Variants in ANKRD28 observed in about 807,000 individuals in gnomAD.
ANKRD28 encodes ankyrin repeat domain 28.
In ANKRD28, 44 loss-of-function variants were observed where a neutral mutation model predicts 126.5. The observed-to-expected ratio is 0.35, with a 90% confidence interval of 0.27 to 0.45. ANKRD28 has a LOEUF of 0.45. Among genes scored for constraint, ANKRD28 ranks in the 20% least tolerant of loss-of-function variants. The pLI is 1.00. For missense variants in ANKRD28, 1,110 were observed against 1,316.6 expected (o/e 0.84, Z 2.43); for synonymous variants, 442 against 468.5 (o/e 0.94, Z 0.73).
rs184737182 is a variant in ANKRD28, at chr3:15,722,654, C to T, written c.784-1527G>A. On this transcript the variant is annotated intron_variant, in intron 7 of 27. Transcript: ENST00000683139. ...CTCTGGACCCTAATCTTGTAGTTGGCCCCAACATAATGCAGCTTTAATTAA... is the reference window on the plus strand; with the variant it reads ...CTCTGGACCCTAATCTTGTAGTTGGTCCCAACATAATGCAGCTTTAATTAA... Among the ~76,000 whole-genome samples the T allele has an allele frequency of 2.0e-5, 3 of 152,210 alleles. No individual in the cohort carries two copies. The East Asian group carries it at 5.8e-4, about 29-fold the overall frequency.
At chr3:15,840,793 G>C (rs150559799) in intron 1 of ANKRD28, among the ~76,000 whole-genome samples, 8 of 152,288 alleles carry the variant, frequency 5.3e-5, no homozygotes, top group African/African-American at 1.7e-4. Context: ...TTAGGGAAAG[G>C]GTAGTCTCTT....
upstream of ANKRD28, among the ~76,000 whole-genome samples, chr3:15,798,690 G>T (rs560258053): frequency 3.3e-5 from 5 of 151,962 alleles, no homozygotes; most frequent in South Asian, 1.0e-3. Flanking sequence ...TGTCAAAAGG[G>T]CACAGGGTAA....
At chr3:15,736,729 T>C (rs112921834) in intron 5 of ANKRD28, among the ~76,000 whole-genome samples, 8 of 152,378 alleles carry the variant, frequency 5.3e-5, no homozygotes, top group African/African-American at 1.7e-4. Context: ...TATTTACTTC[T>C]GGAAGAACAA....
intron 1 of ANKRD28, among the ~76,000 whole-genome samples, chr3:15,826,276 C>A (rs111594324): frequency 0.019 from 2,940 of 152,234 alleles, 97 homozygotes; most frequent in African/African-American, 0.066. Context: ...GGCACAAGTG[C>A]AATTTTGTTA....
chr3:15,727,526 C>CACT (rs1459759764), intron 6 of ANKRD28, among the ~76,000 whole-genome samples: 2 of 138,018 alleles, frequency 1.4e-5, no homozygotes, highest in Admixed American at 1.6e-4. Context: ...AAGATCACAC[C>CACT]ACTGCACTCC....
intron 3 of ANKRD28, among the ~76,000 whole-genome samples, chr3:15,764,369 T>C (rs1216082553): frequency 6.6e-6 from 1 of 152,202 alleles, no homozygotes; most frequent in Non-Finnish European, 1.5e-5. Flanking sequence ...GACATCTAGA[T>C]ACTATCATGC....
At chr3:15,735,389 C>A in intron 6 of ANKRD28, 21 bp downstream of exon 6, 1 of 1,509,412 alleles carries the variant, frequency 6.6e-7, no homozygotes, top group South Asian at 1.3e-5. Flanking sequence ...ATATCAAAAA[C>A]TAAATTTAAA....
At chr3:15,799,456 C>A (rs1444067310), upstream of ANKRD28, among the ~76,000 whole-genome samples, 1 of 151,860 alleles carries the variant, frequency 6.6e-6, no homozygotes, top group Non-Finnish European at 1.5e-5. Flanking sequence ...TTAAAACATG[C>A]TAACAATTCA....
At chr3:15,801,414 T>C (rs1487469850), upstream of ANKRD28, among the ~76,000 whole-genome samples, 1 of 152,148 alleles carries the variant, frequency 6.6e-6, no homozygotes, top group Non-Finnish European at 1.5e-5. The surrounding 1 kb of genome is among the most constrained non-coding windows in gnomAD (Gnocchi z 4.9). Context: ...CTCCGTATTA[T>C]CATAGAATAG....
Position 15,714,694 on chromosome 3 carries a change from TC to T in ANKRD28, c.997-39del. 2 of 1,450,238 alleles carry T rather than the reference TC, an allele frequency of 1.4e-6. 1 individual carries two copies. The highest frequency in any genetic ancestry group is 3.6e-4 in the Middle Eastern group (2 of 5,620). The allele number at this position is 1,450,238 out of a possible 1,614,324, so 89.8% of individuals were successfully genotyped here. ...GAAAAAAATTACTCACTCTACTATA[TC>T]CATAATGTGTAAACCTTAGTTTTAC... On this transcript the variant is annotated intron_variant, in intron 8 of 27. Transcript: ENST00000683139.
intron 18 of ANKRD28, chr3:15,686,516 T>C (rs982850448): frequency 2.6e-5 from 15 of 575,390 alleles, no homozygotes; most frequent in African/African-American, 2.3e-4. Flanking sequence ...CAGTAAAACA[T>C]GACAGGCAGA....
intron 6 of ANKRD28, among the ~76,000 whole-genome samples, chr3:15,731,592 T>TA (rs2074599911): frequency 1.3e-5 from 2 of 152,126 alleles, no homozygotes; most frequent in South Asian, 4.2e-4. Context: ...ATCTTTGGTG[T>TA]AAACCACCAT....
chr3:15,697,820 T>C (rs914936017), intron 14 of ANKRD28, among the ~76,000 whole-genome samples: 13 of 152,196 alleles, frequency 8.5e-5, no homozygotes, highest in African/African-American at 3.1e-4. Flanking sequence ...CAGCTCCTCT[T>C]TGTACCTCTG....
chr3:15,833,849 G>T lies in ANKRD28; in HGVS notation c.27+25528C>A, dbSNP rs1285698374. Among the ~76,000 whole-genome samples, 2 of 152,024 alleles carry T rather than the reference G, an allele frequency of 1.3e-5. No individual in the cohort carries two copies. Among genetic ancestry groups the T allele is most frequent in the African/African-American group, 4.8e-5 (2 of 41,402 alleles). On this transcript the variant is annotated intron_variant, in intron 1 of 27. Coordinates refer to the ANKRD28 transcript ENST00000399451. This position sits in a 1 kb window ranked among gnomAD's most constrained non-coding sequence, Gnocchi z 4.4. ...TTGTATTTCTTTTATGACTAATGAT[G>T]TTGAGGATTTTTTCATGTTTTTTGG... is the stretch of plus-strand genomic sequence containing the variant.
At chr3:15,739,966 T>C (rs916139833) in intron 4 of ANKRD28, among the ~76,000 whole-genome samples, 3 of 152,250 alleles carry the variant, frequency 2.0e-5, no homozygotes, top group Non-Finnish European at 2.9e-5. Flanking sequence ...AGAATGCTCA[T>C]AGCAGTTTTA....
At chr3:15,677,383 G>A in intron 25 of ANKRD28, 97 bp downstream of exon 25, 1 of 839,488 alleles carries the variant, frequency 1.2e-6, no homozygotes, top group Non-Finnish European at 1.9e-6. Context: ...CATTAGAGAG[G>A]TTTGGTCCTG....
In ANKRD28 at chr3:15,694,798, C is replaced by T. The variant is rs1238533622; in HGVS notation, c.1702G>A (p.Gly568Arg). 4 of 1,613,332 alleles carry T rather than the reference C, an allele frequency of 2.5e-6. No homozygotes were observed. Among genetic ancestry groups the T allele is most frequent in the Non-Finnish European group, 3.4e-6 (4 of 1,179,492 alleles). Residue 568 changes from glycine to arginine, a missense_variant, in exon 17 of 28, where the codon GGA becomes AGA. Physicochemically the swap from Gly to Arg is moderately radical, Grantham distance 125. Coordinates refer to ENST00000683139, the MANE Select transcript of ANKRD28 (RefSeq NM_001349278.2). ...TCTGAATCACTCAGCATGTCTGTTC[C>T]TGAGGTTTCCATTAACTGAAAAAGA... is the stretch of plus-strand genomic sequence containing the variant. The part of the protein sequence containing the change: ...TPLDVLMETS[G>R]TDMLSDSDNR...
At position 15,850,204 on chromosome 3, in the gene ANKRD28, A is replaced by AAATAT. The variant is rs1486394619; in HGVS notation, c.27+9172_27+9173insATATT. On this transcript the variant is annotated intron_variant, in intron 1 of 27. Coordinates refer to the ANKRD28 transcript ENST00000399451. ...TCTACATGCAATAAAAAAAAAAAAA[A>AAATAT]ATATATATATATATATATATAGAGA... Among the ~76,000 whole-genome samples the AAATAT allele has an allele frequency of 1.6e-3, 85 of 54,808 alleles. 7 individuals are homozygous for AAATAT. The highest frequency in any genetic ancestry group is 1.9e-3 in the Non-Finnish European group (49 of 25,962). The allele number at this position is 54,808 out of a possible 152,430, so 36.0% of individuals were successfully genotyped here.
chr3:15,691,472 C>A (rs1188559945), intron 17 of ANKRD28, among the ~76,000 whole-genome samples: 1 of 152,178 alleles, frequency 6.6e-6, no homozygotes, highest in African/African-American at 2.4e-5. Context: ...CCAGAAAAGT[C>A]TTTTCAAAAT....
Sources: gnomAD v4.1 joint callset for allele counts (sites outside exome capture counted in the v4.1 genomes callset) on GRCh38, gnomAD v4.1.1 for gene constraint, Gnocchi (gnomAD v3.1) non-coding constraint, MANE v1.5 for transcripts, NCBI Gene and HGNC (gene_info 2026-07-23, HGNC 2026-07-21) for gene names.